ARIH1: variants seen among roughly 807,000 people sequenced by gnomAD.
ARIH1 encodes the protein E3 ubiquitin-protein ligase ARIH1.
Under a neutral mutation model 85.0 loss-of-function variants are expected in ARIH1, and 8 were observed. The observed-to-expected ratio is 0.09, with a 90% confidence interval of 0.06 to 0.17. The LOEUF (loss-of-function observed/expected upper bound fraction) is 0.17, where lower values mean the gene tolerates loss of function less well. ARIH1 is among the 10% of genes least tolerant of loss of function. ARIH1 has a pLI of 1.00. For synonymous variants in ARIH1, 238 were observed against 253.6 expected (o/e 0.94, Z 0.59); for missense variants, 311 against 718.1 (o/e 0.43, Z 6.48).
intron 5 of ARIH1, among the ~76,000 whole-genome samples, chr15:72,556,722 A>G (rs1161430570): frequency 6.6e-6 from 1 of 152,114 alleles, no homozygotes; most frequent in Middle Eastern, 3.2e-3. Flanking sequence ...GTCCCACCCT[A>G]CCCACTCTAG....
chr15:72,539,837 G>A (rs372663465), intron 2 of ARIH1, among the ~76,000 whole-genome samples: 3 of 152,162 alleles, frequency 2.0e-5, no homozygotes, highest in African/African-American at 7.2e-5. Flanking sequence ...ATATTGAGGA[G>A]GGAAGGGATT....
chr15:72,481,141 T>C (rs1329562614), intron 1 of ARIH1, among the ~76,000 whole-genome samples: 2 of 152,224 alleles, frequency 1.3e-5, no homozygotes, highest in Non-Finnish European at 2.9e-5. Context: ...TTATTTCTTT[T>C]GGACTTTTAT....
intron 2 of ARIH1, among the ~76,000 whole-genome samples, chr15:72,541,453 G>T (rs2064107173): frequency 6.6e-6 from 1 of 152,132 alleles, no homozygotes; most frequent in Non-Finnish European, 1.5e-5. Flanking sequence ...TGGCTAGGAA[G>T]ACAATATTAT....
At chr15:72,520,372 G>A (rs1049021520) in intron 2 of ARIH1, among the ~76,000 whole-genome samples, 1 of 146,342 alleles carries the variant, frequency 6.8e-6, no homozygotes, top group Non-Finnish European at 1.5e-5. Context: ...TTTTTTTAAA[G>A]CATTTGACTG....
chr15:72,539,943 T>C (rs1245678641), intron 2 of ARIH1, among the ~76,000 whole-genome samples: 1 of 152,112 alleles, frequency 6.6e-6, no homozygotes, highest in African/African-American at 2.4e-5. Flanking sequence ...CAGTTATCAT[T>C]CTTGAAAGAA....
chr15:72,480,662 T>C (rs2063812949), intron 1 of ARIH1, among the ~76,000 whole-genome samples: 1 of 152,152 alleles, frequency 6.6e-6, no homozygotes, highest in Non-Finnish European at 1.5e-5. Context: ...CCTCCCAGGT[T>C]CAAGCGATTC....
intron 1 of ARIH1, among the ~76,000 whole-genome samples, chr15:72,504,725 T>C (rs1341129081): frequency 6.6e-6 from 1 of 152,206 alleles, no homozygotes; most frequent in Non-Finnish European, 1.5e-5. Flanking sequence ...ACGGAAGTTC[T>C]CATTTTGGGC....
intron 2 of ARIH1, among the ~76,000 whole-genome samples, chr15:72,531,109 T>C (rs1384025536): frequency 1.3e-5 from 2 of 152,202 alleles, no homozygotes; most frequent in Non-Finnish European, 2.9e-5. Flanking sequence ...TCTGGATGCA[T>C]CTTTCAATTA....
Position 72,583,289 on chromosome 15 carries a change from C to T in ARIH1, c.1671C>T (p.Asp557=), listed in dbSNP as rs1475550247. The change falls in exon 14 of 14, where the codon GAC becomes GAT. Residue 557 remains aspartate, a synonymous_variant. Coordinates refer to ENST00000379887, the MANE Select transcript of ARIH1 (RefSeq NM_005744.5). ...YEKDLWEYIE[D] ...AAGATCTGTGGGAGTACATTGAGGA[C>T]TGAGAATGGCCCTGCATAAAATGAA... 2 of 1,611,220 alleles carry T rather than the reference C, an allele frequency of 1.2e-6. No homozygotes were observed. The highest frequency in any genetic ancestry group is 1.7e-6 in the Non-Finnish European group (2 of 1,178,398).
chr15:72,544,339 T>G (rs2140423669), intron 2 of ARIH1, among the ~76,000 whole-genome samples: 1 of 152,298 alleles, frequency 6.6e-6, no homozygotes, highest in South Asian at 2.1e-4. Flanking sequence ...TAACTAAAAT[T>G]ATTAATAAAA....
rs759602250 is a variant in ARIH1 at position 72,474,891 on chromosome 15, C to CGGCGGT, written c.255_260dup (p.Gly89_Gly90dup). ...CCGGCGGTGGCGGCGGCGGCGGCGGCGGCGGTGGTGGTGGCGGGCCGGGGC... is the reference window on the plus strand; with the variant it reads ...CCGGCGGTGGCGGCGGCGGCGGCGGCGGCGGTGGCGGTGGTGGTGGCGGGCCGGGGC... On this transcript the variant is annotated inframe_insertion, in exon 1 of 14. Transcript: ENST00000379887. 1.6e-5 allele frequency: 23 copies of CGGCGGT among 1,429,354 alleles called. No individual in the cohort carries two copies. Among genetic ancestry groups the CGGCGGT allele is most frequent in the Non-Finnish European group, 1.8e-5 (20 of 1,085,708 alleles). 88.5% of individuals were successfully genotyped at this position (1,429,354 alleles called of 1,614,324 possible). A position where few individuals can be genotyped will look rare whatever the true frequency, so the allele number is the denominator to read the frequency against.
Position 72,576,580 on chromosome 15 carries a change from A to G in ARIH1, c.1216-4151A>G, listed in dbSNP as rs550963297. Among the ~76,000 whole-genome samples, 4 of 151,956 alleles carry G rather than the reference A, an allele frequency of 2.6e-5. No individual in the cohort carries two copies. In the South Asian group the frequency reaches 8.3e-4, roughly 32 times the overall value. On this transcript the variant is annotated intron_variant, in intron 11 of 13. Coordinates refer to ENST00000379887, the MANE Select transcript of ARIH1 (RefSeq NM_005744.5). ...TAAGCATTTATTAATGGTTTTCTGC[A>G]AATCAGGTATTGGAAATACTTTATC...
intron 1 of ARIH1, among the ~76,000 whole-genome samples, chr15:72,504,062 A>G (rs1318943776): frequency 1.3e-5 from 2 of 152,118 alleles, no homozygotes; most frequent in East Asian, 3.9e-4. Context: ...TTATTTATTT[A>G]TTTATTTTTT....
intron 3 of ARIH1, among the ~76,000 whole-genome samples, chr15:72,552,836 G>A (rs1595868174): frequency 6.6e-6 from 1 of 150,792 alleles, no homozygotes; most frequent in African/African-American, 2.4e-5. Context: ...GTGCGGTGGT[G>A]CGATCTTGGC....
intron 1 of ARIH1, among the ~76,000 whole-genome samples, chr15:72,511,106 T>C (rs187154325): frequency 1.4e-5 from 2 of 148,134 alleles, no homozygotes; most frequent in Admixed American, 1.3e-4. Context: ...TCCATGAAGA[T>C]GGCATCTCTC....
At chr15:72,517,283 T>A (rs1595858911) in intron 1 of ARIH1, among the ~76,000 whole-genome samples, 1 of 152,162 alleles carries the variant, frequency 6.6e-6, no homozygotes, top group South Asian at 2.1e-4. Flanking sequence ...ATTATTTTTT[T>A]AAAAGAGACT....
intron 2 of ARIH1, among the ~76,000 whole-genome samples, chr15:72,530,221 G>T (rs1285391355): frequency 6.6e-6 from 1 of 152,192 alleles, no homozygotes; most frequent in Non-Finnish European, 1.5e-5. Flanking sequence ...TGAAAAGTAA[G>T]ATTATCAAAT....
rs532855191 is a variant in ARIH1 at position 72,589,776 on chromosome 15, C to T, written c.*6484C>T. 2.0e-5 allele frequency: 3 copies of T among 152,148 alleles called. No individual in the cohort carries two copies. The highest frequency in any genetic ancestry group is 1.9e-4 in the East Asian group (1 of 5,202). The allele number at this position is 152,148 out of a possible 1,614,324, so 9.4% of individuals were successfully genotyped here. On this transcript the variant is annotated 3_prime_UTR_variant, in exon 14 of 14. Transcript: ENST00000379887. ...AATGAATTGGTATATGGTAGATACTCGTGGCTACTTAGTATTTACCAAATG... is the reference window on the plus strand; with the variant it reads ...AATGAATTGGTATATGGTAGATACTTGTGGCTACTTAGTATTTACCAAATG...
chr15:72,492,982 G>A (rs1474253339), intron 1 of ARIH1, among the ~76,000 whole-genome samples: 1 of 152,098 alleles, frequency 6.6e-6, no homozygotes, highest in Admixed American at 6.6e-5. Flanking sequence ...AACAAGGTTG[G>A]AAGGATCCTA....
Sources: gnomAD v4.1 joint callset for allele counts (sites outside exome capture counted in the v4.1 genomes callset) on GRCh38, gnomAD v4.1.1 for gene constraint, MANE v1.5 for transcripts, NCBI Gene and HGNC (gene_info 2026-07-23, HGNC 2026-07-21) for gene names.